The following LTBP1 variants were observed in gnomAD, a reference collection of about 807,000 sequenced individuals.
The protein encoded by LTBP1 is latent-transforming growth factor beta-binding protein 1.
In LTBP1, 129 loss-of-function variants were observed where a neutral mutation model predicts 207.6. The ratio of observed to expected loss-of-function variants is 0.62; its 90% CI spans 0.54 to 0.72. The LOEUF (loss-of-function observed/expected upper bound fraction) is 0.72. LTBP1 is among the 30% of genes least tolerant of loss of function. The pLI is 0.00. For missense variants in LTBP1, 2,281 were observed against 2,217.2 expected, an observed-to-expected ratio of 1.03 and a Z score of -0.58; for synonymous variants, 963 against 833.7, an observed-to-expected ratio of 1.16 and a Z score of -2.67.
chr2:33,150,532 A>G (rs945821345), intron 5 of LTBP1, among the ~76,000 whole-genome samples: 1 of 151,818 alleles, frequency 6.6e-6, no homozygotes, highest in African/African-American at 2.4e-5. Context: ...ATCATCTCTA[A>G]CAGAAACTAT....
intron 5 of LTBP1, among the ~76,000 whole-genome samples, chr2:33,154,318 G>T (rs2083777190): frequency 6.6e-6 from 1 of 152,168 alleles, no homozygotes; most frequent in South Asian, 2.1e-4. Flanking sequence ...GCTGTAGAGT[G>T]AAGAGTCAGT....
chr2:33,359,749 C>T (rs2094905209), intron 26 of LTBP1, among the ~76,000 whole-genome samples: 1 of 152,208 alleles, frequency 6.6e-6, no homozygotes, highest in Admixed American at 6.5e-5. Flanking sequence ...GATGTGACTA[C>T]TTTCCAAGTC....
rs566953682 is a variant in LTBP1, at chr2:33,119,639, C to G, written c.1033+8888C>G. Among the ~76,000 whole-genome samples the G allele has an allele frequency of 2.1e-3, 319 of 152,312 alleles. 5 individuals carry two copies. Among genetic ancestry groups the G allele is most frequent in the African/African-American group, 7.2e-3 (299 of 41,570 alleles). On this transcript the variant is annotated intron_variant, in intron 4 of 33. Coordinates refer to ENST00000404816, the MANE Select transcript of LTBP1 (RefSeq NM_206943.4). ...TGGTGCGATCTTGGCTTACTGCAAG[C>G]TCCGCCTCCCGGGTTCATGCCATTC...
chr2:33,009,269 A>T (rs950776504), intron 2 of LTBP1, among the ~76,000 whole-genome samples: 3 of 152,154 alleles, frequency 2.0e-5, no homozygotes, highest in Non-Finnish European at 4.4e-5. Flanking sequence ...GATGTGTGTT[A>T]TGATGAAAAC....
At chr2:33,210,595 C>T (rs1399478642) in intron 7 of LTBP1, among the ~76,000 whole-genome samples, 2 of 152,184 alleles carry the variant, frequency 1.3e-5, no homozygotes, top group Non-Finnish European at 2.9e-5. Flanking sequence ...TGCTTCTTTT[C>T]CCCTGTTTCC....
chr2:33,337,402 G>C (rs1340835775), intron 24 of LTBP1, among the ~76,000 whole-genome samples: 1 of 152,138 alleles, frequency 6.6e-6, no homozygotes, highest in Non-Finnish European at 1.5e-5. Context: ...CCGTCACCCA[G>C]AACTATGTTC....
intron 23 of LTBP1, 28 bp downstream of exon 23, chr2:33,309,584 A>G (rs1432913524): frequency 6.3e-7 from 1 of 1,597,974 alleles, no homozygotes; most frequent in South Asian, 1.1e-5. Context: ...TTCCCCAGTC[A>G]TTATTTACGT....
chr2:32,959,539 C>T (rs1678657681), intron 2 of LTBP1, among the ~76,000 whole-genome samples: 1 of 110,178 alleles, frequency 9.1e-6, no homozygotes, highest in South Asian at 3.2e-4. Flanking sequence ...TTTATTATTG[C>T]TGTATATATA....
intron 2 of LTBP1, among the ~76,000 whole-genome samples, chr2:33,018,050 C>G (rs1226709382): frequency 6.6e-6 from 1 of 152,040 alleles, no homozygotes; most frequent in Non-Finnish European, 1.5e-5. Context: ...CCTAATTGTC[C>G]TTTTAAAATG....
chr2:33,159,526 T>C (rs2084280554), intron 5 of LTBP1, among the ~76,000 whole-genome samples: 1 of 152,226 alleles, frequency 6.6e-6, no homozygotes, highest in Non-Finnish European at 1.5e-5. Context: ...AAATAATACT[T>C]TCAAATAATA....
At chr2:33,070,019 A>G (rs1415420717) in intron 3 of LTBP1, among the ~76,000 whole-genome samples, 3 of 152,118 alleles carry the variant, frequency 2.0e-5, no homozygotes, top group Non-Finnish European at 2.9e-5. Context: ...TGAAAGCATA[A>G]CCCAGTTCTG....
intron 4 of LTBP1, among the ~76,000 whole-genome samples, chr2:33,120,762 T>A (rs2081059801): frequency 1.3e-5 from 2 of 152,244 alleles, no homozygotes; most frequent in Non-Finnish European, 2.9e-5. Flanking sequence ...CTTTGAGGAA[T>A]TGCCAAACTG....
chr2:33,193,501 A>G (rs17641174), intron 7 of LTBP1, among the ~76,000 whole-genome samples: 3,352 of 152,250 alleles, frequency 0.022, 56 homozygotes, highest in Middle Eastern at 0.034. Flanking sequence ...AAATTCCATG[A>G]TGTTCGTAGT....
chr2:33,138,639 A>G (rs1162801154), intron 5 of LTBP1, among the ~76,000 whole-genome samples: 1 of 152,136 alleles, frequency 6.6e-6, no homozygotes, highest in South Asian at 2.1e-4. Flanking sequence ...AGTTCCTCTG[A>G]CAAGAAGAAC....
Position 32,959,621 on chromosome 2 carries a change from A to ATATATTTTTTTTTT in LTBP1, c.565+10677_565+10678insATATTTTTTTTTTT, listed in dbSNP as rs1475834284. ...TGTATATATATATATATATATATAT[A>ATATATTTTTTTTTT]TTTTTTTTTTTTTTTTTGAGATGGA... On this transcript the variant is annotated intron_variant, in intron 2 of 33. Coordinates refer to ENST00000404816, the MANE Select transcript of LTBP1 (RefSeq NM_206943.4). Among the ~76,000 whole-genome samples, 7 of 36,666 alleles carry ATATATTTTTTTTTT rather than the reference A, an allele frequency of 1.9e-4. 1 individual carries two copies. Among genetic ancestry groups the ATATATTTTTTTTTT allele is most frequent in the African/African-American group, 5.8e-4 (6 of 10,392 alleles). 24.1% of individuals were successfully genotyped at this position (36,666 alleles called of 152,430 possible).
chr2:33,187,107 G>T (rs541238538), intron 6 of LTBP1, 27 bp downstream of exon 6: 1 of 1,602,068 alleles, frequency 6.2e-7, no homozygotes, highest in Non-Finnish European at 8.5e-7. Context: ...CCGCCCATTT[G>T]CCAGACCTCT....
rs1276692952 is a variant in LTBP1, at chr2:33,134,517, C to T, written c.1034-276C>T. The T allele has an allele frequency of 6.9e-7, 1 of 1,452,960 alleles. No homozygotes were observed. Among genetic ancestry groups the T allele is most frequent in the Admixed American group, 2.0e-5 (1 of 49,044 alleles). 90.0% of individuals were successfully genotyped at this position (1,452,960 alleles called of 1,614,324 possible). A position where few individuals can be genotyped will look rare whatever the true frequency, so the allele number is the denominator to read the frequency against. On this transcript the variant is annotated intron_variant, in intron 4 of 33. Coordinates refer to ENST00000404816, the MANE Select transcript of LTBP1 (RefSeq NM_206943.4). The surrounding 1 kb of genome is among the most constrained non-coding windows in gnomAD (Gnocchi z 4.4). ...AGTGCAGCATTGTGGTTAGTAATCC[C>T]ACTCCAGTGACTCGACTTCAAATGT...
intron 2 of LTBP1, among the ~76,000 whole-genome samples, chr2:32,983,361 AG>A (rs1164783537): frequency 2.0e-5 from 3 of 152,182 alleles, no homozygotes; most frequent in Non-Finnish European, 1.5e-5. Flanking sequence ...GTGATTTTAC[AG>A]GCTCATAGGT....
chr2:33,341,729 A>AAAAAAT (rs745445793), intron 24 of LTBP1, among the ~76,000 whole-genome samples: 21 of 93,624 alleles, frequency 2.2e-4, no homozygotes, highest in African/African-American at 9.2e-4. Flanking sequence ...AAAAAAAAAA[A>AAAAAAT]ATATATATAT....
Sources: gnomAD v4.1 joint callset for allele counts (sites outside exome capture counted in the v4.1 genomes callset) on GRCh38, gnomAD v4.1.1 for gene constraint, Gnocchi (gnomAD v3.1) non-coding constraint, MANE v1.5 for transcripts, NCBI Gene and HGNC (gene_info 2026-07-23, HGNC 2026-07-21) for gene names.